Variants in SCAP observed in about 807,000 individuals in gnomAD.
The protein encoded by SCAP is SREBF chaperone, also known as sterol regulatory element-binding protein cleavage-activating protein.
A neutral mutation model predicts 123.6 loss-of-function variants in SCAP; 65 were observed. The observed-to-expected ratio is 0.53, with a 90% CI of 0.43 to 0.65. The LOEUF is 0.65. Ranked by LOEUF, SCAP falls within the 30% of genes least tolerant of loss-of-function variation. The pLI is 0.00. For synonymous variants in SCAP, 740 were observed against 726.3 expected (o/e 1.02, Z -0.30); for missense variants, 1,398 against 1,712.5 (o/e 0.82, Z 3.24).
At chr3:47,436,410 A>T (rs553134524) in intron 2 of SCAP, among the ~76,000 whole-genome samples, 1 of 152,320 alleles carries the variant, frequency 6.6e-6, no homozygotes, top group East Asian at 1.9e-4. Context: ...AAGCGGGCGG[A>T]TCATTTGAGC....
chr3:47,474,729 C>G (rs1268527515), intron 1 of SCAP, among the ~76,000 whole-genome samples: 1 of 151,958 alleles, frequency 6.6e-6, no homozygotes, highest in African/African-American at 2.4e-5. Context: ...CCCAGGAAAT[C>G]AAGGCTGCAG....
intron 1 of SCAP, chr3:47,470,002 G>A (rs981283917): frequency 2.1e-5 from 7 of 331,444 alleles, no homozygotes; most frequent in Admixed American, 1.1e-4. Flanking sequence ...CAAGGCATTC[G>A]AACAAAATAT....
chr3:47,414,133 G>A (rs376828685), intron 22 of SCAP, 34 bp from the exon 23 acceptor site: 2 of 1,613,554 alleles, frequency 1.2e-6, no homozygotes, highest in Non-Finnish European at 1.7e-6. Flanking sequence ...TCAGTCCTGA[G>A]TCCTTCCCTA....
At chr3:47,472,530 T>C (rs1264273238) in intron 1 of SCAP, among the ~76,000 whole-genome samples, 1 of 152,108 alleles carries the variant, frequency 6.6e-6, no homozygotes, top group Non-Finnish European at 1.5e-5. Flanking sequence ...ATTTTTTTCC[T>C]GAGATCCACG....
In SCAP at chr3:47,420,706, G is replaced by T. The variant is rs138330271; in HGVS notation, c.1411C>A (p.Pro471Thr). ...GCCAGCTGCCGCTCGTAGCGCGTTG[G>T]CTGTCCCACTGGCTTGGCTGAGGGC... ...CLPSAKPVGQ[P>T]TRYERQLAVR... The change falls in exon 12 of 23, where the codon CCA becomes ACA. Residue 471 changes from proline (P) to threonine (T), a missense_variant. Transcript: ENST00000265565. This position sits in a 1 kb window ranked among gnomAD's most constrained non-coding sequence, Gnocchi z 5.0. 2 of 1,611,654 alleles carry T rather than the reference G, an allele frequency of 1.2e-6. No homozygotes were observed. Among genetic ancestry groups the T allele is most frequent in the Non-Finnish European group, 8.5e-7 (1 of 1,179,942 alleles).
intron 3 of SCAP, 124 bp from the exon 4 acceptor site, chr3:47,428,794 T>A: frequency 1.9e-6 from 2 of 1,038,026 alleles, no homozygotes; most frequent in Non-Finnish European, 2.8e-6. Flanking sequence ...AACCAATGAC[T>A]AATACAAGTT....
chr3:47,440,198 T>A (rs1017188275), intron 2 of SCAP, among the ~76,000 whole-genome samples: 1 of 152,146 alleles, frequency 6.6e-6, no homozygotes, highest in African/African-American at 2.4e-5. Flanking sequence ...GGTAAGCAAT[T>A]AAATGGAAAC....
chr3:47,444,660 A>G (rs1360619223), intron 1 of SCAP, among the ~76,000 whole-genome samples: 1 of 151,740 alleles, frequency 6.6e-6, no homozygotes, highest in Non-Finnish European at 1.5e-5. Flanking sequence ...TTTTTTGTAG[A>G]GACAGGTTCT....
chr3:47,433,476 G>A (rs575916218), intron 3 of SCAP, among the ~76,000 whole-genome samples: 34 of 152,216 alleles, frequency 2.2e-4, no homozygotes, highest in African/African-American at 6.3e-4. Context: ...CACCCCTTAC[G>A]GCCTCATCAT....
intron 2 of SCAP, among the ~76,000 whole-genome samples, chr3:47,436,384 C>T (rs931875349): frequency 6.6e-6 from 1 of 152,168 alleles, no homozygotes; most frequent in African/African-American, 2.4e-5. Context: ...GTAATCCCAA[C>T]ACTTTGGGAG....
At chr3:47,458,060 G>A (rs1020051920) in intron 1 of SCAP, among the ~76,000 whole-genome samples, 2 of 152,102 alleles carry the variant, frequency 1.3e-5, no homozygotes. Flanking sequence ...GGCTGAGGTG[G>A]GCAGATCACC....
chr3:47,426,042 C>T lies in SCAP; in HGVS notation c.865G>A (p.Val289Met), dbSNP rs1706113438. 1 of 1,614,180 alleles carries T rather than the reference C, an allele frequency of 6.2e-7. No homozygotes were observed. The highest frequency in any genetic ancestry group is 8.5e-7 in the Non-Finnish European group (1 of 1,180,032). ...GCAAACAAGATGATGTAGGTGGTCA[C>T]AAGGGGGATGAGCTCAGCGACACCA... is the stretch of plus-strand genomic sequence containing the variant. Reference protein sequence around the residue: ...EIGVAELIPLVTTYIILFAYI... With the variant: ...EIGVAELIPLMTTYIILFAYI... The change falls in exon 7 of 23, where the codon GTG (valine) becomes ATG (methionine). Residue 289 changes from valine (V) to methionine (M), a missense_variant. Physicochemically the swap from Val to Met is conservative, Grantham distance 21. Coordinates refer to ENST00000265565, the MANE Select transcript of SCAP (RefSeq NM_012235.4).
chr3:47,476,102 C>G (rs544857087), upstream of SCAP: 1,961 of 151,366 alleles, frequency 0.013, 26 homozygotes, highest in Non-Finnish European at 0.019. Context: ...CGGGCCGGGC[C>G]GGGCGGAGCG....
chr3:47,442,801 G>A, intron 2 of SCAP, 71 bp downstream of exon 2: 5 of 1,403,670 alleles, frequency 3.6e-6, no homozygotes, highest in Non-Finnish European at 5.0e-6. Context: ...GGGCTCCATA[G>A]TGGTTAGGGT....
chr3:47,445,732 T>C (rs552424222), intron 1 of SCAP, among the ~76,000 whole-genome samples: 1 of 151,090 alleles, frequency 6.6e-6, no homozygotes, highest in African/African-American at 2.4e-5. Flanking sequence ...CCACCACACT[T>C]GGCTAATTTT....
chr3:47,424,403 C>G (rs551565958), intron 8 of SCAP, among the ~76,000 whole-genome samples: 1 of 152,366 alleles, frequency 6.6e-6, no homozygotes, highest in South Asian at 2.1e-4. Flanking sequence ...ACAATGACTG[C>G]TGCCAAGACC....
chr3:47,459,409 A>G (rs1268702527), intron 1 of SCAP, among the ~76,000 whole-genome samples: 2 of 152,194 alleles, frequency 1.3e-5, no homozygotes, highest in Non-Finnish European at 2.9e-5. Flanking sequence ...TTGCGTTACT[A>G]CTTCAATATT....
intron 18 of SCAP, 47 bp downstream of exon 18, chr3:47,417,075 G>A: frequency 6.5e-7 from 1 of 1,549,996 alleles, no homozygotes; most frequent in Non-Finnish European, 8.9e-7. Flanking sequence ...GTATGGCCTA[G>A]CCAACAAAGG....
chr3:47,421,047 G>A lies in SCAP; in HGVS notation c.1246-18C>T, dbSNP rs1176988190. 1 of 1,596,874 alleles carries A rather than the reference G, an allele frequency of 6.3e-7. No homozygotes were observed. Among genetic ancestry groups the A allele is most frequent in the Non-Finnish European group, 8.6e-7 (1 of 1,164,582 alleles). Reference sequence around the variant, plus strand: ...CAGAACTCCTGGAATCAGAGCACATGGGGATGGGGGGGTGCCGTGACCTCA... The same window carrying A: ...CAGAACTCCTGGAATCAGAGCACATAGGGATGGGGGGGTGCCGTGACCTCA... On this transcript the variant is annotated intron_variant, in intron 10 of 22. Transcript: ENST00000265565.
Sources: gnomAD v4.1 joint callset for allele counts (sites outside exome capture counted in the v4.1 genomes callset) on GRCh38, gnomAD v4.1.1 for gene constraint, Gnocchi (gnomAD v3.1) non-coding constraint, MANE v1.5 for transcripts, NCBI Gene and HGNC (gene_info 2026-07-23, HGNC 2026-07-21) for gene names.